RASAL3: variants seen among roughly 807,000 people sequenced by gnomAD.
RASAL3 encodes the protein RAS protein activator like 3, also known as RAS protein activator like-3.
In RASAL3, 74 loss-of-function variants were observed where a neutral mutation model predicts 105.5. That is an observed-to-expected ratio of 0.70 (90% confidence interval 0.58 to 0.85). The LOEUF is 0.85. Ranked by LOEUF, RASAL3 falls within the 40% of genes least tolerant of loss-of-function variation. The probability of loss-of-function intolerance (pLI) is 0.00; values close to 1 mark genes in which losing one functional copy is unlikely to be tolerated. For synonymous variants in RASAL3, 579 were observed against 591.6 expected (o/e 0.98, Z 0.31); for missense variants, 1,352 against 1,392.0 (o/e 0.97, Z 0.46).
At chr19:15,455,020 A>G in intron 11 of RASAL3, 127 bp from the exon 12 acceptor site, 1 of 703,220 alleles carries the variant, frequency 1.4e-6, no homozygotes, top group South Asian at 2.0e-5. Flanking sequence ...CTATTCATGA[A>G]GCCCATGCAG....
chr19:15,456,421 G>A lies in RASAL3; in HGVS notation c.1576+81C>T. 1.3e-6 allele frequency: 2 copies of A among 1,568,782 alleles called. No homozygotes were observed. Among genetic ancestry groups the A allele is most frequent in the Non-Finnish European group, 1.7e-6 (2 of 1,152,798 alleles). ...AACACCACTCACTACCAGAATCCAG[G>A]TTGCTCAAGGACTCTTAGAACTTCA... On this transcript the variant is annotated intron_variant, in intron 10 of 17. Coordinates refer to ENST00000343625, the MANE Select transcript of RASAL3 (RefSeq NM_022904.3). This position sits in a 1 kb window ranked among gnomAD's most constrained non-coding sequence, Gnocchi z 4.4.
In RASAL3 at chr19:15,461,577, G is replaced by C; in HGVS notation, c.359C>G (p.Pro120Arg). 1 of 1,532,866 alleles carries C rather than the reference G, an allele frequency of 6.5e-7. No individual in the cohort carries two copies. Among genetic ancestry groups the C allele is most frequent in the Non-Finnish European group, 8.7e-7 (1 of 1,145,572 alleles). The allele number at this position is 1,532,866 out of a possible 1,614,324, so 95.0% of individuals were successfully genotyped here. ...ELEPEPELEP[P>R]TPQIPEAPTP... ...GGGGGCCTCAGGGATCTGTGGGGTA[G>C]GGGGCTCCAGCTCTGGCTCCGGCTC... Residue 120 changes from proline (P) to arginine (R), a missense_variant, in exon 3 of 18, where the codon CCT (proline) becomes CGT (arginine). Pro to Arg is a moderately radical substitution (Grantham distance 103). Coordinates refer to ENST00000343625, the MANE Select transcript of RASAL3 (RefSeq NM_022904.3).
chr19:15,464,361 T>TG lies in RASAL3; in HGVS notation c.-4_-3insC. 4.2e-6 allele frequency: 2 copies of TG among 481,862 alleles called. No individual in the cohort carries two copies. The highest frequency in any genetic ancestry group is 6.2e-6 in the Non-Finnish European group (2 of 321,936). 29.8% of individuals were successfully genotyped at this position (481,862 alleles called of 1,614,324 possible). Reference sequence around the variant, plus strand: ...CGGCTTGGCGACGGTGGGTCCATGGTTGGGGGGGGGGGTCTCCTGGGGGAC... The same window carrying TG: ...CGGCTTGGCGACGGTGGGTCCATGGTGTGGGGGGGGGGGTCTCCTGGGGGAC... On this transcript the variant is annotated 5_prime_UTR_variant, in exon 2 of 18. Coordinates refer to ENST00000343625, the MANE Select transcript of RASAL3 (RefSeq NM_022904.3).
At position 15,461,099 on chromosome 19, in the gene RASAL3, T is replaced by C; in HGVS notation, c.567A>G (p.Glu189=). The change falls in exon 5 of 18, where the codon GAA becomes GAG. Residue 189 remains glutamate (E), a synonymous_variant. Coordinates refer to ENST00000343625, the MANE Select transcript of RASAL3 (RefSeq NM_022904.3). ...RDPDRMPGKT[E]PETAGPNQVH... is the part of the protein sequence containing the mutation. ...CCTGGTTGGGACCAGCAGTCTCCGG[T>C]TCTGTTTTTCCAGGCATCCGATCTG... is the stretch of plus-strand genomic sequence containing the variant. The C allele has an allele frequency of 6.2e-7, 1 of 1,613,864 alleles. No homozygotes were observed. Among genetic ancestry groups the C allele is most frequent in the Non-Finnish European group, 8.5e-7 (1 of 1,179,852 alleles).
rs748756130 is a variant in RASAL3 at position 15,464,345 on chromosome 19, G to A, written c.14C>T (p.Ser5Leu). The A allele has an allele frequency of 3.7e-5, 58 of 1,572,158 alleles. No homozygotes were observed. Among genetic ancestry groups the A allele is most frequent in the Non-Finnish European group, 4.9e-5 (57 of 1,157,820 alleles). The change falls in exon 2 of 18, where the codon TCG becomes TTG. Residue 5 changes from serine to leucine, a missense_variant. Coordinates refer to ENST00000343625, the MANE Select transcript of RASAL3 (RefSeq NM_022904.3). MDPP[S>L]PSRTSQTQPT... ...CTGGGTTTGGGAGGTCCGGCTTGGC[G>A]ACGGTGGGTCCATGGTTGGGGGGGG...
rs1185615431 is a variant in RASAL3, at chr19:15,453,315, G to T, written c.2462C>A (p.Pro821Gln). The change falls in exon 15 of 18, where the codon CCG becomes CAG. Residue 821 changes from proline to glutamine, a missense_variant. Around this residue, in one of 3 missense-constraint regions of RASAL3, gnomAD observed 920 missense variants for 919.6 expected, o/e 1.00. Transcript: ENST00000343625. This position sits in a 1 kb window ranked among gnomAD's most constrained non-coding sequence, Gnocchi z 4.2. ...PRPVQRTQSV[P>Q]VRRPARRRQS... is the part of the protein sequence containing the mutation. ...GCGGCGGCGGGCAGGACGCCGGACC[G>T]GGACACTCTGCGTGCGCTGCACCGG... 5.4e-6 allele frequency: 8 copies of T among 1,481,728 alleles called. No homozygotes were observed. In the South Asian group the frequency reaches 1.1e-4, roughly 20 times the overall value. 91.8% of individuals were successfully genotyped at this position (1,481,728 alleles called of 1,614,324 possible).
In RASAL3 at chr19:15,454,227, C is replaced by T. The variant is rs746119444; in HGVS notation, c.2201G>A (p.Arg734Gln). The change falls in exon 14 of 18, where the codon CGA (arginine) becomes CAA (glutamine). Residue 734 changes from arginine (R) to glutamine (Q), a missense_variant. This residue lies in a region of RASAL3 where 920 missense variants were observed against 919.6 expected (regional missense o/e 1.00). Coordinates refer to ENST00000343625, the MANE Select transcript of RASAL3 (RefSeq NM_022904.3). ...CACAGGCTGGCCCTCCTCAATGGCT[C>T]GCAGGATGGTGGGCAGTGGTTCCAG... ...DTLEPLPTIL[R>Q]AIEEGQPVLV... The T allele has an allele frequency of 6.4e-6, 10 of 1,567,844 alleles. No individual in the cohort carries two copies. The highest frequency in any genetic ancestry group is 1.4e-5 in the African/African-American group (1 of 73,760).
chr19:15,457,462 C>A lies in RASAL3; in HGVS notation c.1261G>T (p.Ala421Ser). Residue 421 changes from alanine to serine, a missense_variant, in exon 9 of 18, where the codon GCG becomes TCG. Around this residue, in one of 3 missense-constraint regions of RASAL3, gnomAD observed 920 missense variants for 919.6 expected, o/e 1.00. Coordinates refer to ENST00000343625, the MANE Select transcript of RASAL3 (RefSeq NM_022904.3). The surrounding 1 kb of genome is among the most constrained non-coding windows in gnomAD (Gnocchi z 8.6). ...AGAALRARIR[A>S]RRLRVLPSER... ...GACGGCAGCACGCGCAGGCGACGCGCCCGAATCCGCGCCCGCAGCGCTGCG... is the reference window on the plus strand; with the variant it reads ...GACGGCAGCACGCGCAGGCGACGCGACCGAATCCGCGCCCGCAGCGCTGCG... The A allele has an allele frequency of 7.3e-7, 1 of 1,373,008 alleles. No homozygotes were observed. Among genetic ancestry groups the A allele is most frequent in the Non-Finnish European group, 9.4e-7 (1 of 1,063,684 alleles). The allele number at this position is 1,373,008 out of a possible 1,614,324, so 85.1% of individuals were successfully genotyped here.
rs1442238056 is a variant in RASAL3, at chr19:15,461,473, C to G, written c.463G>C (p.Glu155Gln). Residue 155 changes from glutamate (E) to glutamine (Q), a missense_variant and splice_region_variant, in exon 3 of 18, where the codon GAG becomes CAG. By Grantham distance (29) the Glu-to-Gln change is conservative. Around this residue, in one of 3 missense-constraint regions of RASAL3, gnomAD observed 344 missense variants for 339.6 expected, o/e 1.01. Coordinates refer to ENST00000343625, the MANE Select transcript of RASAL3 (RefSeq NM_022904.3). ...CTTTCCCAGGTGCCCCCTCTCACCT[C>G]CTCCTCTCCTCCAAGCAGCACCAGC... ...GKLVLLGGEE[E>Q]GPRRPRVGSA... The G allele has an allele frequency of 2.9e-5, 45 of 1,548,826 alleles. No individual in the cohort carries two copies. Among genetic ancestry groups the G allele is most frequent in the Non-Finnish European group, 3.8e-5 (43 of 1,146,184 alleles).
rs746686141 is a variant in RASAL3, at chr19:15,456,590, C to G, written c.1488G>C (p.Ala496=). 3 of 1,613,628 alleles carry G rather than the reference C, an allele frequency of 1.9e-6. No individual in the cohort carries two copies. Among genetic ancestry groups the G allele is most frequent in the Admixed American group, 3.3e-5 (2 of 59,986 alleles). The change falls in exon 10 of 18, where the codon GCG becomes GCC. Residue 496 remains alanine, a synonymous_variant. Coordinates refer to ENST00000343625, the MANE Select transcript of RASAL3 (RefSeq NM_022904.3). The surrounding 1 kb of genome is among the most constrained non-coding windows in gnomAD (Gnocchi z 4.4). ...CCAATGTGTTTTCCCGGAACAGCAG[C>G]GCCTCACGGCCTCCACAGCGCGCCA... The part of the protein sequence containing the change: ...AELARCGGRE[A]LLFRENTLAT...
At chr19:15,452,587 G>GA in intron 16 of RASAL3, 71 bp downstream of exon 16, 1 of 1,123,180 alleles carries the variant, frequency 8.9e-7, no homozygotes, top group East Asian at 3.1e-5. Flanking sequence ...GGGGGGGGGG[G>GA]GAGGGCCTGG....
At position 15,454,627 on chromosome 19, in the gene RASAL3, T is replaced by TC. The variant is rs1970260449; in HGVS notation, c.1958+29dup. ...TGCCACCCCCACACTCCCAGCATGG[T>TC]CCCCCCACCCCTAGCTTCCCAGCAC... On this transcript the variant is annotated intron_variant, in intron 12 of 17. Transcript: ENST00000343625. The TC allele has an allele frequency of 6.2e-6, 10 of 1,610,848 alleles. No homozygotes were observed. In the East Asian group the frequency reaches 1.3e-4, roughly 22 times the overall value.
At chr19:15,464,403 T>A in intron 1 of RASAL3, 26 bp from the exon 2 acceptor site, 1 of 1,262,320 alleles carries the variant, frequency 7.9e-7, no homozygotes, top group South Asian at 1.2e-5. Flanking sequence ...GTGACAGTAG[T>A]GCCCAGTGTC....
chr19:15,463,683 G>A (rs1970580813), intron 2 of RASAL3, among the ~76,000 whole-genome samples: 1 of 152,220 alleles, frequency 6.6e-6, no homozygotes, highest in South Asian at 2.1e-4. Flanking sequence ...TAGGAGAGTA[G>A]GAGGCAGGCT....
Position 15,461,590 on chromosome 19 carries a change from C to T in RASAL3, c.346G>A (p.Glu116Lys). The T allele has an allele frequency of 1.3e-6, 2 of 1,531,314 alleles. No homozygotes were observed. Among genetic ancestry groups the T allele is most frequent in the Non-Finnish European group, 1.7e-6 (2 of 1,144,908 alleles). The allele number at this position is 1,531,314 out of a possible 1,614,324, so 94.9% of individuals were successfully genotyped here. ...QEAPELEPEP[E>K]LEPPTPQIPE... ...ATCTGTGGGGTAGGGGGCTCCAGCT[C>T]TGGCTCCGGCTCCAGCTCTGGGAAG... The change falls in exon 3 of 18, where the codon GAG becomes AAG. Residue 116 changes from glutamate (E) to lysine (K), a missense_variant. By Grantham distance (56) the Glu-to-Lys change is moderately conservative. Coordinates refer to ENST00000343625, the MANE Select transcript of RASAL3 (RefSeq NM_022904.3).
intron 6 of RASAL3, among the ~76,000 whole-genome samples, chr19:15,459,620 C>A (rs1475992946): frequency 6.6e-6 from 1 of 152,022 alleles, no homozygotes; most frequent in Non-Finnish European, 1.5e-5. Flanking sequence ...GCACTGCAGC[C>A]TCAACTTCCC....
chr19:15,455,993 C>T (rs1970302426), intron 11 of RASAL3, 111 bp downstream of exon 11: 1 of 1,259,548 alleles, frequency 7.9e-7, no homozygotes, highest in South Asian at 1.4e-5. Flanking sequence ...CCAATTATTG[C>T]ATCAAATTTA....
chr19:15,457,419 A>G lies in RASAL3; in HGVS notation c.1304T>C (p.Leu435Pro). ...ATAGTGGAAGGTGAGGAACTCCGCC[A>G]GCTCCTTGTAGCGCTCGGACGGCAG... ...RVLPSERYKELAEFLTFHYAR... is the reference protein window; with the variant it reads ...RVLPSERYKEPAEFLTFHYAR... Residue 435 changes from leucine to proline, a missense_variant, in exon 9 of 18, where the codon CTG becomes CCG. By Grantham distance (98) the Leu-to-Pro change is moderately conservative (BLOSUM62 -3). This residue lies in a region of RASAL3 where 920 missense variants were observed against 919.6 expected (regional missense o/e 1.00). Coordinates refer to ENST00000343625, the MANE Select transcript of RASAL3 (RefSeq NM_022904.3). The surrounding 1 kb of genome is among the most constrained non-coding windows in gnomAD (Gnocchi z 8.6). The G allele has an allele frequency of 1.4e-6, 2 of 1,443,280 alleles. No individual in the cohort carries two copies. Among genetic ancestry groups the G allele is most frequent in the Non-Finnish European group, 1.8e-6 (2 of 1,101,288 alleles). The allele number at this position is 1,443,280 out of a possible 1,614,324, so 89.4% of individuals were successfully genotyped here. A position where few individuals can be genotyped will look rare whatever the true frequency, so the allele number is the denominator to read the frequency against.
At chr19:15,452,266 G>A in intron 16 of RASAL3, 158 bp from the exon 17 acceptor site, 1 of 699,520 alleles carries the variant, frequency 1.4e-6, no homozygotes, top group East Asian at 2.6e-5. Flanking sequence ...AGAAGGGTCG[G>A]ACCAGAGACG....
Sources: allele counts gnomAD v4.1 joint callset (sites outside exome capture counted in the v4.1 genomes callset), GRCh38; gene constraint gnomAD v4.1.1; regional missense constraint gnomAD v4.1.1; non-coding constraint Gnocchi (gnomAD v3.1); transcripts MANE v1.5; gene names NCBI Gene and HGNC (gene_info 2026-07-23, HGNC 2026-07-21).